Variants in SLC35D2 observed in about 807,000 individuals in gnomAD.
SLC35D2 encodes the protein nucleotide sugar transporter SLC35D2.
In SLC35D2, 43 loss-of-function variants were observed where a neutral mutation model predicts 41.8. The ratio of observed to expected loss-of-function variants is 1.03; its 90% CI spans 0.81 to 1.33. The LOEUF is 1.33. Ranked by LOEUF, SLC35D2 falls within the 40% of genes most tolerant of loss-of-function variation. SLC35D2 has a pLI of 0.00. For synonymous variants in SLC35D2, 150 were observed against 163.9 expected, an observed-to-expected ratio of 0.92 and a Z score of 0.65; for missense variants, 380 against 408.4, an observed-to-expected ratio of 0.93 and a Z score of 0.60.
chr9:96,347,851 G>A (rs922116102), intron 6 of SLC35D2, among the ~76,000 whole-genome samples: 3 of 152,174 alleles, frequency 2.0e-5, no homozygotes, highest in Non-Finnish European at 4.4e-5. Context: ...CCACAAAAGT[G>A]ACCTGTGGTC....
downstream of SLC35D2, among the ~76,000 whole-genome samples, chr9:96,316,824 A>G: frequency 9.5e-6 from 1 of 105,794 alleles, no homozygotes; most frequent in Non-Finnish European, 2.0e-5. Flanking sequence ...AATGCTTGAG[A>G]TATACTTTAT....
chr9:96,357,825 G>A (rs1192513929), intron 4 of SLC35D2, among the ~76,000 whole-genome samples: 1 of 151,836 alleles, frequency 6.6e-6, no homozygotes, highest in Non-Finnish European at 1.5e-5. Flanking sequence ...GACTGCTTGA[G>A]CTCAGGAGTT....
intron 8 of SLC35D2, among the ~76,000 whole-genome samples, chr9:96,340,019 T>G (rs1280985293): frequency 9.2e-5 from 14 of 152,234 alleles, no homozygotes; most frequent in African/African-American, 3.4e-4. Flanking sequence ...AATTCATTAA[T>G]CAGCTTTCAG....
intron 3 of SLC35D2, among the ~76,000 whole-genome samples, chr9:96,361,480 A>G (rs1376516440): frequency 4.6e-5 from 7 of 152,154 alleles, no homozygotes; most frequent in Non-Finnish European, 7.3e-5. Flanking sequence ...TAAGCCCAGG[A>G]GTTCAAGACC....
chr9:96,339,688 T>A (rs140416652), intron 8 of SLC35D2, among the ~76,000 whole-genome samples: 1 of 152,186 alleles, frequency 6.6e-6, no homozygotes, highest in Admixed American at 6.5e-5. Context: ...AACTGTAATA[T>A]ACTAGATGTA....
rs533302413 is a variant in SLC35D2 at position 96,382,910 on chromosome 9, T to C, written c.158+567A>G. ...GGGTCTAAATCCACAATTTTCTCAGTGCCGCTACAATGGTAGCAGAATTAA... is the reference window on the plus strand; with the variant it reads ...GGGTCTAAATCCACAATTTTCTCAGCGCCGCTACAATGGTAGCAGAATTAA... On this transcript the variant is annotated intron_variant, in intron 1 of 11. Coordinates refer to ENST00000253270, the MANE Select transcript of SLC35D2 (RefSeq NM_007001.3). Among the ~76,000 whole-genome samples, 10 of 152,312 alleles carry C rather than the reference T, an allele frequency of 6.6e-5. No homozygotes were observed. In the East Asian group the frequency reaches 1.9e-3, roughly 29 times the overall value.
At chr9:96,357,688 CA>C (rs1359455638) in intron 4 of SLC35D2, 2 of 151,952 alleles carry the variant, frequency 1.3e-5, no homozygotes, top group Non-Finnish European at 2.9e-5. Flanking sequence ...TTAGATAAAA[CA>C]TCAAAAGTAC....
chr9:96,365,133 C>T (rs1830426703), intron 2 of SLC35D2, among the ~76,000 whole-genome samples: 3 of 150,906 alleles, frequency 2.0e-5, no homozygotes, highest in Non-Finnish European at 2.9e-5. Context: ...GTGGGAAGAT[C>T]ACTTGAGCCT....
intron 7 of SLC35D2, among the ~76,000 whole-genome samples, chr9:96,344,560 AGC>A: frequency 2.9e-5 from 3 of 102,508 alleles, no homozygotes; most frequent in Admixed American, 8.7e-5. Flanking sequence ...AAAAAAACAG[AGC>A]AGATAAAAAA....
rs769660787 is a variant in SLC35D2, at chr9:96,321,209, C to T, written c.*33G>A. On this transcript the variant is annotated 3_prime_UTR_variant, in exon 12 of 12. Transcript: ENST00000253270. ...TGGGAATGCCCCCCCAGCCCGCAGT[C>T]ACAAGTCAGTCTCCAATCCTGCTGC... The T allele has an allele frequency of 3.3e-6, 5 of 1,534,994 alleles. No individual in the cohort carries two copies. The South Asian group carries it at 5.7e-5, about 17-fold the overall frequency.
intron 9 of SLC35D2, among the ~76,000 whole-genome samples, chr9:96,328,232 C>A (rs896249495): frequency 6.8e-5 from 8 of 117,186 alleles, no homozygotes; most frequent in Non-Finnish European, 1.0e-4. Context: ...TCTTAGTAAC[C>A]TTTTTTACCA....
intron 1 of SLC35D2, 62 bp downstream of exon 1, chr9:96,383,415 G>A (rs1587736397): frequency 1.5e-6 from 2 of 1,378,746 alleles, no homozygotes; most frequent in East Asian, 3.2e-5. Flanking sequence ...CCGCTGAAGC[G>A]CACGGAGGAC....
intron 6 of SLC35D2, among the ~76,000 whole-genome samples, chr9:96,349,009 C>A (rs150097674): frequency 6.6e-6 from 1 of 152,122 alleles, no homozygotes; most frequent in African/African-American, 2.4e-5. Flanking sequence ...GGGGCTGTGC[C>A]GGGGAGACCT....
rs567234834 is a variant in SLC35D2 at position 96,360,162 on chromosome 9, A to G, written c.339T>C (p.Ser113=). The G allele has an allele frequency of 1.9e-5, 31 of 1,611,820 alleles. No homozygotes were observed. The South Asian group carries it at 3.0e-4, about 15-fold the overall frequency. ...ATTATCCTATACTCTACCTTAATTT[A>G]CTTGTGCTTGATAATCCACTTATGT... ...GNHISGLSST[S]KLSLPMFTVL... Residue 113 remains serine (S), a synonymous_variant, in exon 4 of 12, where the codon AGT becomes AGC. Coordinates refer to ENST00000253270, the MANE Select transcript of SLC35D2 (RefSeq NM_007001.3).
chr9:96,352,611 C>T (rs773389558), intron 4 of SLC35D2, among the ~76,000 whole-genome samples: 1 of 152,216 alleles, frequency 6.6e-6, no homozygotes, highest in Non-Finnish European at 1.5e-5. Flanking sequence ...CGTGAGCCAC[C>T]GCACCTGGGC....
chr9:96,379,337 T>C (rs1331243914), intron 1 of SLC35D2, among the ~76,000 whole-genome samples: 1 of 150,930 alleles, frequency 6.6e-6, no homozygotes, highest in Non-Finnish European at 1.5e-5. Context: ...CATAACCAAC[T>C]GGCCACAAAC....
At chr9:96,371,473 T>TAAAAAAAAA (rs1830673892) in intron 1 of SLC35D2, among the ~76,000 whole-genome samples, 1 of 3,682 alleles carries the variant, frequency 2.7e-4, no homozygotes, top group Non-Finnish European at 6.0e-4. Flanking sequence ...AGACTCTGTC[T>TAAAAAAAAA]CAAAAAAAAA....
intron 6 of SLC35D2, among the ~76,000 whole-genome samples, chr9:96,350,588 T>C (rs1292861781): frequency 1.3e-5 from 2 of 152,078 alleles, no homozygotes; most frequent in East Asian, 3.9e-4. Context: ...CCACGAAGAC[T>C]TGGAGTCCTC....
intron 1 of SLC35D2, 122 bp from the exon 2 acceptor site, chr9:96,368,427 T>A: frequency 1.2e-6 from 1 of 818,002 alleles, no homozygotes; most frequent in East Asian, 2.8e-5. Context: ...AATTGTTCAC[T>A]TTTCATTTAA....
Sources: allele counts gnomAD v4.1 joint callset (sites outside exome capture counted in the v4.1 genomes callset), GRCh38; gene constraint gnomAD v4.1.1; transcripts MANE v1.5; gene names NCBI Gene and HGNC (gene_info 2026-07-23, HGNC 2026-07-21).